The following GAD2 variants were observed in gnomAD, a reference collection of about 807,000 sequenced individuals.
GAD2 encodes the protein glutamate decarboxylase 2.
GAD2 carries 22 observed loss-of-function variants against 80.1 expected under a neutral mutation model. The observed-to-expected ratio is 0.27, with a 90% CI of 0.20 to 0.39. GAD2 has a LOEUF of 0.39. Among genes scored for constraint, GAD2 ranks in the 10% least tolerant of loss-of-function variants. The pLI is 1.00. For missense variants in GAD2, 624 were observed against 738.4 expected, an observed-to-expected ratio of 0.85 and a Z score of 1.80; for synonymous variants, 274 against 256.9, an observed-to-expected ratio of 1.07 and a Z score of -0.64.
At chr10:26,248,495 GA>G (rs1844837712) in intron 8 of GAD2, among the ~76,000 whole-genome samples, 4 of 152,164 alleles carry the variant, frequency 2.6e-5, no homozygotes, top group Non-Finnish European at 5.9e-5. Flanking sequence ...CCTGGTTTGT[GA>G]AAAACAGCCC....
rs780350573 is a variant in GAD2, at chr10:26,229,794, C to G, written c.840+17C>G. On this transcript the variant is annotated intron_variant, in intron 7 of 15. Transcript: ENST00000376261. ...TCTGAACATGTATGTGTTTCTTTTC[C>G]TTGCAAGTTTAAGGTTATGTTCCAT... 1 of 1,573,356 alleles carries G rather than the reference C, an allele frequency of 6.4e-7. No homozygotes were observed. Among genetic ancestry groups the G allele is most frequent in the East Asian group, 2.2e-5 (1 of 44,684 alleles).
chr10:26,274,967 C>T (rs1845181411), intron 11 of GAD2, among the ~76,000 whole-genome samples: 1 of 152,178 alleles, frequency 6.6e-6, no homozygotes, highest in South Asian at 2.1e-4. Flanking sequence ...TGCAGGGCCC[C>T]ATTTAGATGC....
intron 8 of GAD2, among the ~76,000 whole-genome samples, chr10:26,253,561 A>C (rs1190684900): frequency 6.6e-6 from 1 of 152,240 alleles, no homozygotes; most frequent in African/African-American, 2.4e-5. Flanking sequence ...GGAAGAGGAG[A>C]GAAAATTTCT....
chr10:26,237,762 C>A (rs888950280), intron 7 of GAD2, among the ~76,000 whole-genome samples: 1 of 152,112 alleles, frequency 6.6e-6, no homozygotes, highest in Non-Finnish European at 1.5e-5. Context: ...AATCCCAGCA[C>A]TTTGGGATGC....
chr10:26,224,407 C>T (rs1191148046), intron 5 of GAD2, 132 bp from the exon 6 acceptor site: 1 of 682,812 alleles, frequency 1.5e-6, no homozygotes, highest in East Asian at 2.8e-5. Flanking sequence ...AATTTTCTCT[C>T]TGCTTAATGT....
intron 15 of GAD2, among the ~76,000 whole-genome samples, chr10:26,300,084 G>C (rs1834312805): frequency 6.6e-6 from 1 of 152,156 alleles, no homozygotes; most frequent in African/African-American, 2.4e-5. Flanking sequence ...CACTGAACTA[G>C]AGTTTAAACT....
chr10:26,224,278 C>T (rs746477285), intron 5 of GAD2, among the ~76,000 whole-genome samples: 6 of 152,114 alleles, frequency 3.9e-5, no homozygotes, highest in Non-Finnish European at 8.8e-5. Flanking sequence ...TCATGTTACT[C>T]TGCAATATTT....
At chr10:26,295,417 A>G (rs958789659) in intron 15 of GAD2, among the ~76,000 whole-genome samples, 2 of 151,932 alleles carry the variant, frequency 1.3e-5, no homozygotes, top group Non-Finnish European at 2.9e-5. Flanking sequence ...ACGTATGCCA[A>G]TGATTTTTTC....
At position 26,217,691 on chromosome 10, in the gene GAD2, C is replaced by CGG; in HGVS notation, c.136+23_136+24dup. 1 of 1,610,730 alleles carries CGG rather than the reference C, an allele frequency of 6.2e-7. No individual in the cohort carries two copies. The highest frequency in any genetic ancestry group is 8.5e-7 in the Non-Finnish European group (1 of 1,178,368). On this transcript the variant is annotated intron_variant, in intron 2 of 15. Coordinates refer to ENST00000376261, the MANE Select transcript of GAD2 (RefSeq NM_001134366.2). The surrounding 1 kb of genome is among the most constrained non-coding windows in gnomAD (Gnocchi z 4.9). ...TGCGGTGAGTGCCCAGGGACCGGGG[C>CGG]GGCCAAGGTCGGCCCGCGGGGTCCA...
Position 26,217,708 on chromosome 10 carries a change from C to T in GAD2, c.136+39C>T. The T allele has an allele frequency of 3.1e-6, 5 of 1,606,814 alleles. No individual in the cohort carries two copies. Among genetic ancestry groups the T allele is most frequent in the Non-Finnish European group, 4.3e-6 (5 of 1,176,218 alleles). On this transcript the variant is annotated intron_variant, in intron 2 of 15. Coordinates refer to ENST00000376261, the MANE Select transcript of GAD2 (RefSeq NM_001134366.2). The surrounding 1 kb of genome is among the most constrained non-coding windows in gnomAD (Gnocchi z 4.9). ...GACCGGGGCGGCCAAGGTCGGCCCGCGGGGTCCAAGCAGTCTTCTCACCTC... is the reference window on the plus strand; with the variant it reads ...GACCGGGGCGGCCAAGGTCGGCCCGTGGGGTCCAAGCAGTCTTCTCACCTC...
intron 7 of GAD2, among the ~76,000 whole-genome samples, chr10:26,234,325 CAA>C (rs34166651): frequency 1.5e-5 from 1 of 68,900 alleles, no homozygotes. Context: ...GAGACTCCGT[CAA>C]AAAAAAAAGA....
intron 13 of GAD2, among the ~76,000 whole-genome samples, chr10:26,288,509 T>C (rs1834174089): frequency 6.6e-6 from 1 of 152,228 alleles, no homozygotes. Context: ...AATGACACTT[T>C]CATTTGGAAG....
chr10:26,268,181 T>C (rs925162698), intron 8 of GAD2, among the ~76,000 whole-genome samples: 5 of 152,146 alleles, frequency 3.3e-5, no homozygotes, highest in African/African-American at 1.2e-4. Context: ...AAAGAATGTT[T>C]CTCTGGGCCG....
intron 7 of GAD2, among the ~76,000 whole-genome samples, chr10:26,236,149 T>C (rs1181449862): frequency 1.3e-5 from 2 of 152,080 alleles, no homozygotes; most frequent in Non-Finnish European, 2.9e-5. Context: ...GATTTCACCC[T>C]GTTACCCAGG....
intron 12 of GAD2, among the ~76,000 whole-genome samples, chr10:26,282,672 A>G (rs1255245416): frequency 2.6e-5 from 4 of 152,318 alleles, no homozygotes; most frequent in Admixed American, 6.5e-5. Context: ...ATCCTTAAAC[A>G]TATACCTTTG....
chr10:26,292,670 G>T, intron 14 of GAD2, 98 bp downstream of exon 14: 2 of 975,396 alleles, frequency 2.1e-6, no homozygotes, highest in Non-Finnish European at 3.2e-6. Flanking sequence ...TAAGTGGGAC[G>T]ATTACAGAGG....
At chr10:26,300,678 A>G (rs1834319636) in intron 15 of GAD2, 110 bp from the exon 16 acceptor site, 8 of 913,636 alleles carry the variant, frequency 8.8e-6, no homozygotes, top group Non-Finnish European at 1.3e-5. Context: ...GAAAACAATA[A>G]GGTTCTGACT....
chr10:26,284,859 G>A (rs759161880), intron 12 of GAD2, among the ~76,000 whole-genome samples: 13 of 152,094 alleles, frequency 8.5e-5, no homozygotes, highest in African/African-American at 2.2e-4. Flanking sequence ...ATGAGCCACC[G>A]CACCCGGCCA....
At chr10:26,243,428 C>T (rs1197009754) in intron 7 of GAD2, among the ~76,000 whole-genome samples, 1 of 152,146 alleles carries the variant, frequency 6.6e-6, no homozygotes, top group African/African-American at 2.4e-5. Context: ...CAGTCAGCAG[C>T]CCTTTGGAGA....
Sources: allele counts gnomAD v4.1 joint callset (sites outside exome capture counted in the v4.1 genomes callset), GRCh38; gene constraint gnomAD v4.1.1; non-coding constraint Gnocchi (gnomAD v3.1); transcripts MANE v1.5; gene names NCBI Gene and HGNC (gene_info 2026-07-23, HGNC 2026-07-21).